Variants in KLF12 observed in about 807,000 individuals in gnomAD.
KLF12 encodes the protein KLF transcription factor 12.
A neutral mutation model predicts 37.8 loss-of-function variants in KLF12; 9 were observed. The ratio of observed to expected loss-of-function variants is 0.24; its 90% CI spans 0.14 to 0.42. The LOEUF (loss-of-function observed/expected upper bound fraction) is 0.42, where lower values mean the gene tolerates loss of function less well. Ranked by LOEUF, KLF12 falls within the 10% of genes least tolerant of loss-of-function variation. KLF12 has a pLI of 1.00. For missense variants in KLF12, 411 were observed against 516.0 expected (o/e 0.80, Z 1.97); for synonymous variants, 208 against 202.1 (o/e 1.03, Z -0.25).
In KLF12 at chr13:73,774,001, C is replaced by A. The variant is rs140993076; in HGVS notation, c.807-9001G>T. On this transcript the variant is annotated intron_variant, in intron 5 of 7. Coordinates refer to ENST00000377669, the MANE Select transcript of KLF12 (RefSeq NM_007249.5). The stretch of plus-strand genomic sequence containing the variant: ...AGATTCTCATCATTCCCTGCATTGC[C>A]CTTCATAGCACTTAGAAGGCTTATA... Among the ~76,000 whole-genome samples, 6 of 152,202 alleles carry A rather than the reference C, an allele frequency of 3.9e-5. No individual in the cohort carries two copies. The East Asian group carries it at 7.7e-4, about 20-fold the overall frequency.
At chr13:73,708,400 T>C (rs376906209) in intron 7 of KLF12, among the ~76,000 whole-genome samples, 2 of 152,208 alleles carry the variant, frequency 1.3e-5, no homozygotes, top group African/African-American at 4.8e-5. Context: ...CAAAAAAAAT[T>C]TGATTTTATC....
At chr13:74,119,513 G>C (rs921731455) in intron 1 of KLF12, among the ~76,000 whole-genome samples, 4 of 152,136 alleles carry the variant, frequency 2.6e-5, no homozygotes, top group Non-Finnish European at 5.9e-5. Flanking sequence ...TGCATGAACA[G>C]AGAAATTAAG....
At chr13:74,249,110 T>C in the KLF12 span, among the ~76,000 whole-genome samples, 1 of 152,028 alleles carries the variant, frequency 6.6e-6, no homozygotes, top group African/African-American at 2.4e-5. Context: ...TCTCTGACAA[T>C]TGCTGTGTGA....
Position 73,915,237 on chromosome 13 carries a change from C to T in KLF12, c.123+28744G>A, listed in dbSNP as rs544205260. ...GGCCCTTGGGATTTCACTTAGGGCC[C>T]GCCCAGATAATTCAGGATAATTTCT... On this transcript the variant is annotated intron_variant, in intron 3 of 7. Coordinates refer to ENST00000377669, the MANE Select transcript of KLF12 (RefSeq NM_007249.5). Among the ~76,000 whole-genome samples, 32 of 152,280 alleles carry T rather than the reference C, an allele frequency of 2.1e-4. No individual in the cohort carries two copies. The South Asian group carries it at 5.8e-3, about 28-fold the overall frequency.
chr13:74,022,874 T>TG (rs1045068946), intron 1 of KLF12, among the ~76,000 whole-genome samples: 3 of 144,882 alleles, frequency 2.1e-5, no homozygotes, highest in African/African-American at 7.8e-5. Flanking sequence ...CCATCCACTG[T>TG]GGAAAAAAAA....
chr13:73,712,598 G>T (rs1875487604), intron 7 of KLF12, among the ~76,000 whole-genome samples: 1 of 152,158 alleles, frequency 6.6e-6, no homozygotes, highest in South Asian at 2.1e-4. Context: ...GAAGTTCTAT[G>T]GTGGGTAAAA....
chr13:74,039,202 T>C (rs1331872225), intron 1 of KLF12, among the ~76,000 whole-genome samples: 1 of 152,166 alleles, frequency 6.6e-6, no homozygotes, highest in African/African-American at 2.4e-5. Context: ...GATCTTTGGG[T>C]TCCCTATCCT....
chr13:73,764,599 T>C (rs909969178), intron 6 of KLF12, among the ~76,000 whole-genome samples: 19 of 151,780 alleles, frequency 1.3e-4, no homozygotes, highest in African/African-American at 4.4e-4. Flanking sequence ...TCATGAGGAG[T>C]TGAAGTTGGT....
chr13:74,069,669 T>A (rs1331230840), intron 1 of KLF12, among the ~76,000 whole-genome samples: 1 of 151,990 alleles, frequency 6.6e-6, no homozygotes, highest in Non-Finnish European at 1.5e-5. Context: ...TCCAACAGTT[T>A]AGAAAATGAA....
At chr13:74,175,824 C>A in the KLF12 span, among the ~76,000 whole-genome samples, 1 of 152,186 alleles carries the variant, frequency 6.6e-6, no homozygotes, top group African/African-American at 2.4e-5. Context: ...AAGCACTTGT[C>A]CCAGTGGTTC....
At chr13:73,774,396 C>G (rs573948480) in intron 5 of KLF12, among the ~76,000 whole-genome samples, 1 of 151,436 alleles carries the variant, frequency 6.6e-6, no homozygotes, top group East Asian at 1.9e-4. Context: ...TAAAGAAAAG[C>G]TTTGGCCCTA....
intron 2 of KLF12, among the ~76,000 whole-genome samples, chr13:73,986,694 T>G (rs959964999): frequency 6.6e-6 from 1 of 152,098 alleles, no homozygotes; most frequent in Non-Finnish European, 1.5e-5. Flanking sequence ...GTAATCACAA[T>G]AGTCCTTAAA....
At chr13:74,301,202 C>T in the KLF12 span, among the ~76,000 whole-genome samples, 1 of 152,062 alleles carries the variant, frequency 6.6e-6, no homozygotes, top group Non-Finnish European at 1.5e-5. Context: ...TCAATATGGC[C>T]CTTAGCTGAC....
At chr13:73,896,487 G>C (rs1297594844) in intron 3 of KLF12, among the ~76,000 whole-genome samples, 1 of 152,106 alleles carries the variant, frequency 6.6e-6, no homozygotes, top group Non-Finnish European at 1.5e-5. Context: ...CCAAGTCTCT[G>C]ACTGAGACAT....
At chr13:74,159,758 C>T in the KLF12 span, among the ~76,000 whole-genome samples, 1 of 151,954 alleles carries the variant, frequency 6.6e-6, no homozygotes, top group Non-Finnish European at 1.5e-5. Context: ...GTTGCTTATT[C>T]CTGTAATCCC....
At chr13:74,164,809 A>G in the KLF12 span, among the ~76,000 whole-genome samples, 1 of 152,250 alleles carries the variant, frequency 6.6e-6, no homozygotes, top group Non-Finnish European at 1.5e-5. Flanking sequence ...CCAGGCACCA[A>G]AAGACAAACT....
At chr13:74,140,814 G>A in the KLF12 span, among the ~76,000 whole-genome samples, 1 of 152,246 alleles carries the variant, frequency 6.6e-6, no homozygotes, top group South Asian at 2.1e-4. Context: ...AGCACTTTGG[G>A]AGGCCAAGGC....
chr13:74,160,340 G>A, the KLF12 span, among the ~76,000 whole-genome samples: 17 of 152,042 alleles, frequency 1.1e-4, no homozygotes, highest in Admixed American at 2.6e-4. Flanking sequence ...CCATCTACCA[G>A]GTCTGTTTTA....
chr13:74,136,197 A>G (rs1878547897), upstream of KLF12, among the ~76,000 whole-genome samples: 1 of 152,152 alleles, frequency 6.6e-6, no homozygotes, highest in Admixed American at 6.6e-5. Context: ...GCGCGGGCGC[A>G]GCGAGGGCGT....
Sources: gnomAD v4.1 joint callset for allele counts (sites outside exome capture counted in the v4.1 genomes callset) on GRCh38, gnomAD v4.1.1 for gene constraint, MANE v1.5 for transcripts, NCBI Gene and HGNC (gene_info 2026-07-23, HGNC 2026-07-21) for gene names.